KLHL1: variants seen among roughly 807,000 people sequenced by gnomAD.
KLHL1 encodes kelch-like protein 1.
In KLHL1, 47 loss-of-function variants were observed where a neutral mutation model predicts 77.7. That is an observed-to-expected ratio of 0.60 (90% confidence interval 0.48 to 0.77). The LOEUF is 0.77. Ranked by LOEUF, KLHL1 falls within the 30% of genes least tolerant of loss-of-function variation. The pLI, the probability that KLHL1 is intolerant of heterozygous loss-of-function variation, is 0.00. For missense variants in KLHL1, 925 were observed against 910.8 expected, an observed-to-expected ratio of 1.02 and a Z score of -0.20; for synonymous variants, 360 against 325.2, an observed-to-expected ratio of 1.11 and a Z score of -1.15.
chr13:70,103,128 A>G (rs999737678), intron 1 of KLHL1, among the ~76,000 whole-genome samples: 6 of 152,206 alleles, frequency 3.9e-5, no homozygotes, highest in African/African-American at 2.4e-5. Context: ...CAGCACGTTT[A>G]TGCATGACAT....
chr13:69,749,016 T>C (rs1438502871), intron 7 of KLHL1, among the ~76,000 whole-genome samples: 2 of 152,068 alleles, frequency 1.3e-5, no homozygotes, highest in African/African-American at 4.8e-5. Flanking sequence ...TCACACTTTA[T>C]GCTTCCACAT....
intron 1 of KLHL1, among the ~76,000 whole-genome samples, chr13:70,106,593 C>G (rs1402842355): frequency 6.6e-6 from 1 of 152,138 alleles, no homozygotes; most frequent in Non-Finnish European, 1.5e-5. Context: ...CAGTTTAACT[C>G]AAAGACTTAC....
chr13:70,039,454 T>G (rs1344045045), intron 1 of KLHL1, among the ~76,000 whole-genome samples: 5 of 152,130 alleles, frequency 3.3e-5, no homozygotes, highest in Admixed American at 2.0e-4. Context: ...TAATGTGGCA[T>G]AAATAATTTT....
At chr13:69,805,953 A>C (rs1255469867) in intron 6 of KLHL1, among the ~76,000 whole-genome samples, 1 of 149,198 alleles carries the variant, frequency 6.7e-6, no homozygotes, top group African/African-American at 2.6e-5. Context: ...GCTCAAGGGG[A>C]AAAAACCCTA....
At chr13:69,929,707 G>C (rs1450014508) in intron 4 of KLHL1, among the ~76,000 whole-genome samples, 1 of 151,748 alleles carries the variant, frequency 6.6e-6, no homozygotes, top group Non-Finnish European at 1.5e-5. Context: ...TATTATGCTA[G>C]TTGTAAAATA....
chr13:69,740,536 G>A lies in KLHL1; in HGVS notation c.1660C>T (p.Pro554Ser), dbSNP rs1226821776. ...HGLGVTVLEG[P>S]IYAVGGHDGW... is the part of the protein sequence containing the mutation. ...TCATGGCCTCCCACAGCATAAATAG[G>A]GCCTTCAAGTACTGTTACACCTAAA... The change falls in exon 8 of 11, where the codon CCT (proline) becomes TCT (serine). Residue 554 changes from proline to serine, a missense_variant. Physicochemically the swap from Pro to Ser is moderately conservative, Grantham distance 74. Transcript: ENST00000377844. 6.2e-7 allele frequency: 1 copy of A among 1,610,524 alleles called. No homozygotes were observed. Among genetic ancestry groups the A allele is most frequent in the Admixed American group, 1.7e-5 (1 of 59,868 alleles).
chr13:69,740,509 C>T lies in KLHL1; in HGVS notation c.1687G>A (p.Gly563Ser). ...GPIYAVGGHD[G>S]WSYLNTVERW... Reference sequence around the variant, plus strand: ...TCCACTGTATTCAGATAGCTCCAGCCATCATGGCCTCCCACAGCATAAATA... The same window carrying T: ...TCCACTGTATTCAGATAGCTCCAGCTATCATGGCCTCCCACAGCATAAATA... The change falls in exon 8 of 11, where the codon GGC becomes AGC. Residue 563 changes from glycine (G) to serine (S), a missense_variant. Transcript: ENST00000377844. 1.2e-6 allele frequency: 2 copies of T among 1,612,760 alleles called. No individual in the cohort carries two copies. The highest frequency in any genetic ancestry group is 1.7e-4 in the Middle Eastern group (1 of 6,044).
At position 69,754,078 on chromosome 13, in the gene KLHL1, G is replaced by A. The variant is rs1047871913; in HGVS notation, c.1640-13522C>T. Among the ~76,000 whole-genome samples, 10 of 152,024 alleles carry A rather than the reference G, an allele frequency of 6.6e-5. No individual in the cohort carries two copies. In the South Asian group the frequency reaches 1.0e-3, roughly 16 times the overall value. On this transcript the variant is annotated intron_variant, in intron 7 of 10. Transcript: ENST00000377844. ...GATGGTCTCGAACTCCTGGGCTCAAGCAATCCACCTGCCTCAGCCTCCCAA... is the reference window on the plus strand; with the variant it reads ...GATGGTCTCGAACTCCTGGGCTCAAACAATCCACCTGCCTCAGCCTCCCAA...
chr13:69,799,146 C>T (rs570610638), intron 6 of KLHL1, among the ~76,000 whole-genome samples: 6 of 151,694 alleles, frequency 4.0e-5, no homozygotes, highest in East Asian at 3.9e-4. Context: ...TATATTTGAC[C>T]GATGATGGCA....
At chr13:70,073,228 A>G (rs924491483) in intron 1 of KLHL1, among the ~76,000 whole-genome samples, 1 of 152,194 alleles carries the variant, frequency 6.6e-6, no homozygotes, top group African/African-American at 2.4e-5. Flanking sequence ...CTATGCGGCC[A>G]TAAAAAAGGA....
intron 7 of KLHL1, among the ~76,000 whole-genome samples, chr13:69,790,767 G>A (rs1876833810): frequency 6.6e-6 from 1 of 151,868 alleles, no homozygotes; most frequent in African/African-American, 2.4e-5. Flanking sequence ...ATTGAACTAG[G>A]GGCCAGGCAA....
intron 1 of KLHL1, among the ~76,000 whole-genome samples, chr13:70,092,235 G>A (rs1256476827): frequency 1.3e-5 from 2 of 152,126 alleles, no homozygotes; most frequent in Non-Finnish European, 2.9e-5. Context: ...TATAGTAACT[G>A]GGTATGTAGC....
intron 1 of KLHL1, among the ~76,000 whole-genome samples, chr13:70,066,258 G>A (rs1441575): frequency 0.35 from 53,249 of 151,934 alleles, 10,521 homozygotes; most frequent in African/African-American, 0.55. Flanking sequence ...CAAGGGTAAA[G>A]TTACTAATTT....
In KLHL1 at chr13:69,899,133, A is replaced by G. The variant is rs1022167491; in HGVS notation, c.1015-16638T>C. 6.6e-5 allele frequency among the ~76,000 whole-genome samples: 10 copies of G among 152,242 alleles called. No homozygotes were observed. The South Asian group carries it at 1.5e-3, about 22-fold the overall frequency. ...GAGGAAGAATATATCCAGAAAAAAA[A>G]TGAGGCACAAAATTTATTGGATATC... On this transcript the variant is annotated intron_variant, in intron 4 of 10. Transcript: ENST00000377844.
intron 7 of KLHL1, among the ~76,000 whole-genome samples, chr13:69,745,280 T>C (rs1372325046): frequency 6.8e-6 from 1 of 147,660 alleles, no homozygotes; most frequent in Non-Finnish European, 1.5e-5. Flanking sequence ...GTTAAAAACC[T>C]CTTCATTTTT....
intron 2 of KLHL1, among the ~76,000 whole-genome samples, chr13:69,974,772 C>G (rs1884494173): frequency 6.6e-6 from 1 of 151,942 alleles, no homozygotes; most frequent in Non-Finnish European, 1.5e-5. Flanking sequence ...TAGATGCTAG[C>G]TCAGGATAAT....
chr13:69,848,543 AAATT>A (rs1268320361), intron 5 of KLHL1, among the ~76,000 whole-genome samples: 1 of 151,622 alleles, frequency 6.6e-6, no homozygotes, highest in Non-Finnish European at 1.5e-5. Context: ...TATTCTGGCC[AAATT>A]ATTTAAGAAT....
chr13:69,945,790 C>T (rs2225529), intron 3 of KLHL1, among the ~76,000 whole-genome samples: 19,468 of 152,000 alleles, frequency 0.13, 1,943 homozygotes, highest in East Asian at 0.29. Flanking sequence ...GCAGTTTTAT[C>T]TCTCCTATGA....
Position 69,818,219 on chromosome 13 carries a change from C to CTTTTTTTTTTT in KLHL1, c.1414+20746_1414+20756dup, listed in dbSNP as rs1316398623. Among the ~76,000 whole-genome samples, 64 of 112,882 alleles carry CTTTTTTTTTTT rather than the reference C, an allele frequency of 5.7e-4. 5 individuals carry two copies. Among genetic ancestry groups the CTTTTTTTTTTT allele is most frequent in the African/African-American group, 2.3e-3 (59 of 25,108 alleles). The allele number at this position is 112,882 out of a possible 152,430, so 74.1% of individuals were successfully genotyped here. The stretch of plus-strand genomic sequence containing the variant: ...AGAATTTAACTTAACTCATAGGCAT[C>CTTTTTTTTTTT]TTTTTTTTTTTTTTTTTTTTGAGAC... On this transcript the variant is annotated intron_variant, in intron 6 of 10. Transcript: ENST00000377844.
Sources: allele counts gnomAD v4.1 joint callset (sites outside exome capture counted in the v4.1 genomes callset), GRCh38; gene constraint gnomAD v4.1.1; transcripts MANE v1.5; gene names NCBI Gene and HGNC (gene_info 2026-07-23, HGNC 2026-07-21).